Variants in BBS9 observed in about 807,000 individuals in gnomAD.
BBS9 encodes Bardet-Biedl syndrome 9.
In BBS9, 89 loss-of-function variants were observed where a neutral mutation model predicts 117.7. The ratio of observed to expected loss-of-function variants is 0.76; its 90% CI spans 0.64 to 0.90. BBS9 has a LOEUF of 0.90. BBS9 is among the 40% of genes least tolerant of loss of function. BBS9 has a pLI of 0.00. For synonymous variants in BBS9, 379 were observed against 370.9 expected (o/e 1.02, Z -0.25); for missense variants, 982 against 1,042.2 (o/e 0.94, Z 0.80).
chr7:33,288,130 G>A (rs1431331083), intron 9 of BBS9, among the ~76,000 whole-genome samples: 1 of 152,136 alleles, frequency 6.6e-6, no homozygotes, highest in East Asian at 1.9e-4. Context: ...CTAGGAGGAT[G>A]GGGTGGAGCT....
intron 19 of BBS9, among the ~76,000 whole-genome samples, chr7:33,424,800 G>A (rs1438873484): frequency 6.6e-6 from 1 of 151,754 alleles, no homozygotes; most frequent in Non-Finnish European, 1.5e-5. Flanking sequence ...TCCTTGTTTA[G>A]CTGCTATTTA....
chr7:33,328,242 C>A (rs1318271282), intron 9 of BBS9, among the ~76,000 whole-genome samples: 1 of 152,194 alleles, frequency 6.6e-6, no homozygotes, highest in Non-Finnish European at 1.5e-5. Context: ...TCTGCTCTCT[C>A]ATGCAGGCCC....
chr7:33,562,165 G>A (rs1489497379), intron 21 of BBS9, among the ~76,000 whole-genome samples: 1 of 152,096 alleles, frequency 6.6e-6, no homozygotes, highest in Non-Finnish European at 1.5e-5. Flanking sequence ...GCCATATAGG[G>A]CATTTCAAAG....
chr7:33,558,905 T>C (rs1229936043), intron 21 of BBS9, among the ~76,000 whole-genome samples: 1 of 152,234 alleles, frequency 6.6e-6, no homozygotes, highest in African/African-American at 2.4e-5. Flanking sequence ...GACTCCTCAC[T>C]TGTGATTAGA....
At chr7:33,147,691 A>G (rs1324028014) in intron 2 of BBS9, among the ~76,000 whole-genome samples, 2 of 152,198 alleles carry the variant, frequency 1.3e-5, no homozygotes, top group Non-Finnish European at 2.9e-5. Flanking sequence ...TAAACTATCT[A>G]AAGTTCAGCT....
At chr7:33,393,173 A>G (rs1050787646) in intron 19 of BBS9, among the ~76,000 whole-genome samples, 10 of 151,692 alleles carry the variant, frequency 6.6e-5, no homozygotes, top group African/African-American at 2.4e-4. Context: ...CTCAAAACAA[A>G]CAAACAAACA....
intron 5 of BBS9, among the ~76,000 whole-genome samples, chr7:33,225,699 C>CT (rs72137184): frequency 0.6 from 78,318 of 131,198 alleles, 22,967 homozygotes; most frequent in Admixed American, 0.64. Context: ...GAGCTTGGTT[C>CT]TTTTTTTTTT....
chr7:33,528,736 C>A (rs996478230), intron 20 of BBS9, among the ~76,000 whole-genome samples: 6 of 152,136 alleles, frequency 3.9e-5, no homozygotes, highest in African/African-American at 1.2e-4. Flanking sequence ...GTTATCTAAG[C>A]TCACACAGTG....
At chr7:33,337,889 G>A (rs557058936) in intron 10 of BBS9, among the ~76,000 whole-genome samples, 39 of 152,040 alleles carry the variant, frequency 2.6e-4, no homozygotes, top group Admixed American at 1.2e-3. Flanking sequence ...TTCAAATTTT[G>A]TCCTGAGATT....
intron 7 of BBS9, among the ~76,000 whole-genome samples, chr7:33,267,942 G>C (rs1799101712): frequency 6.6e-6 from 1 of 152,062 alleles, no homozygotes; most frequent in African/African-American, 2.4e-5. Context: ...TGTTCTTGAG[G>C]TTATCCCTGG....
chr7:33,155,722 A>ACGCC lies in BBS9; in HGVS notation c.328+20_328+21insCGCC, dbSNP rs768879518. ...TCTCAGGTAAGAAATATTTTTACCA[A>ACGCC]TGTAGAATTTATATTACAAATTGGG... On this transcript the variant is annotated intron_variant, in intron 4 of 22. Transcript: ENST00000242067. 1.8e-6 allele frequency: 2 copies of ACGCC among 1,087,844 alleles called. No homozygotes were observed. The highest frequency in any genetic ancestry group is 2.7e-6 in the Non-Finnish European group (2 of 747,400). 67.4% of individuals were successfully genotyped at this position (1,087,844 alleles called of 1,614,324 possible). A position where few individuals can be genotyped will look rare whatever the true frequency, so the allele number is the denominator to read the frequency against.
At position 33,347,166 on chromosome 7, in the gene BBS9, C is replaced by T. The variant is rs79346069; in HGVS notation, c.1330-1902C>T. 0.02 allele frequency among the ~76,000 whole-genome samples: 3,020 copies of T among 152,154 alleles called. 207 individuals are homozygous for T. The East Asian group carries it at 0.26, about 13-fold the overall frequency. ...ATGGTTTATGATGGTACCTGTCAAA[C>T]ATTTTTGTAAAGAGTAAATTAAATA... On this transcript the variant is annotated intron_variant, in intron 12 of 22. Coordinates refer to ENST00000242067, the MANE Select transcript of BBS9 (RefSeq NM_198428.3).
At chr7:33,233,864 C>A (rs942796538) in intron 5 of BBS9, among the ~76,000 whole-genome samples, 1 of 152,068 alleles carries the variant, frequency 6.6e-6, no homozygotes, top group African/African-American at 2.4e-5. Context: ...TACAGTAGTC[C>A]CCTCATATCC....
intron 9 of BBS9, among the ~76,000 whole-genome samples, chr7:33,304,603 T>C (rs1332846576): frequency 6.6e-6 from 1 of 152,180 alleles, no homozygotes; most frequent in Non-Finnish European, 1.5e-5. Flanking sequence ...AAGTGTGAAG[T>C]GACAGCCTTT....
At chr7:33,171,617 AATT>A (rs1796589631) in intron 4 of BBS9, among the ~76,000 whole-genome samples, 1 of 152,104 alleles carries the variant, frequency 6.6e-6, no homozygotes, top group South Asian at 2.1e-4. Context: ...TTTTTCTTCA[AATT>A]ATTGTTTTTT....
intron 5 of BBS9, among the ~76,000 whole-genome samples, chr7:33,214,038 C>G (rs889900042): frequency 1.3e-5 from 2 of 152,170 alleles, no homozygotes; most frequent in African/African-American, 4.8e-5. Flanking sequence ...CTGAACCCAG[C>G]TTAGCACTAG....
In BBS9 at chr7:33,426,013, G is replaced by A. The variant is rs139240688; in HGVS notation, c.2115+37869G>A. 5.3e-3 allele frequency among the ~76,000 whole-genome samples: 813 copies of A among 152,196 alleles called. 6 individuals are homozygous for A. The highest frequency in any genetic ancestry group is 7.7e-3 in the Non-Finnish European group (526 of 68,010). On this transcript the variant is annotated intron_variant, in intron 19 of 22. Transcript: ENST00000242067. ...CTTTAGGTAACATTTATCAAATTTA[G>A]ACTAAAATAAACCAAGAAGTTTATA... is the stretch of plus-strand genomic sequence containing the variant.
At position 33,184,410 on chromosome 7, in the gene BBS9, G is replaced by A. The variant is rs142607214; in HGVS notation, c.442+6819G>A. Among the ~76,000 whole-genome samples the A allele has an allele frequency of 2.9e-4, 43 of 150,074 alleles. 1 individual carries two copies. The East Asian group carries it at 3.8e-3, about 13-fold the overall frequency. On this transcript the variant is annotated intron_variant, in intron 5 of 22. Coordinates refer to ENST00000242067, the MANE Select transcript of BBS9 (RefSeq NM_198428.3). Reference sequence around the variant, plus strand: ...GGCAGATTAATCCAAAGAAAATAGTGGTTAACATCCCATAATGCCAAATTC... The same window carrying A: ...GGCAGATTAATCCAAAGAAAATAGTAGTTAACATCCCATAATGCCAAATTC...
chr7:33,271,691 G>A (rs537068066), intron 7 of BBS9, among the ~76,000 whole-genome samples: 1 of 152,144 alleles, frequency 6.6e-6, no homozygotes, highest in Non-Finnish European at 1.5e-5. Context: ...CAACACAAAA[G>A]CACCCATATT....
Sources: allele counts gnomAD v4.1 joint callset (sites outside exome capture counted in the v4.1 genomes callset), GRCh38; gene constraint gnomAD v4.1.1; transcripts MANE v1.5; gene names NCBI Gene and HGNC (gene_info 2026-07-23, HGNC 2026-07-21).